MAGI3: variants seen among roughly 807,000 people sequenced by gnomAD.
MAGI3 encodes membrane-associated guanylate kinase, WW and PDZ domain-containing protein 3.
In MAGI3, 43 loss-of-function variants were observed where a neutral mutation model predicts 121.8. That is an observed-to-expected ratio of 0.35 (90% CI 0.28 to 0.46). The LOEUF is 0.46. Among genes scored for constraint, MAGI3 ranks in the 20% least tolerant of loss-of-function variants. MAGI3 has a pLI of 1.00. For synonymous variants in MAGI3, 553 were observed against 639.3 expected, an observed-to-expected ratio of 0.86 and a Z score of 2.04; for missense variants, 1,547 against 1,797.3, an observed-to-expected ratio of 0.86 and a Z score of 2.52.
intron 1 of MAGI3, among the ~76,000 whole-genome samples, chr1:113,532,102 C>A (rs1570810395): frequency 1.3e-5 from 2 of 152,012 alleles, no homozygotes; most frequent in Admixed American, 6.5e-5. Flanking sequence ...CCAATAAAAT[C>A]AGTTAAATTG....
chr1:113,490,496 G>T (rs191390004), intron 1 of MAGI3, among the ~76,000 whole-genome samples: 88 of 151,762 alleles, frequency 5.8e-4, no homozygotes, highest in Admixed American at 3.7e-3. Flanking sequence ...AATAACCAGG[G>T]TCTGTGACAG....
chr1:113,430,964 C>T (rs1167322630), intron 1 of MAGI3, among the ~76,000 whole-genome samples: 1 of 152,126 alleles, frequency 6.6e-6, no homozygotes, highest in Non-Finnish European at 1.5e-5. Flanking sequence ...TTTAAAAAGG[C>T]ATGACAACAA....
At chr1:113,635,581 T>C (rs930830422) in intron 9 of MAGI3, among the ~76,000 whole-genome samples, 1 of 152,056 alleles carries the variant, frequency 6.6e-6, no homozygotes. Flanking sequence ...GAAGCCCACT[T>C]GATCATGGTG....
At chr1:113,663,088 G>T (rs1653868747) in intron 16 of MAGI3, among the ~76,000 whole-genome samples, 1 of 152,106 alleles carries the variant, frequency 6.6e-6, no homozygotes, top group Admixed American at 6.5e-5. Context: ...AGCCAGGCGT[G>T]ATGGCATGTG....
rs114393527 is a variant in MAGI3 at position 113,485,557 on chromosome 1, A to T, written c.317-63958A>T. Among the ~76,000 whole-genome samples, 347 of 151,896 alleles carry T rather than the reference A, an allele frequency of 2.3e-3. 2 individuals carry two copies. Among genetic ancestry groups the T allele is most frequent in the African/African-American group, 8.0e-3 (333 of 41,400 alleles). The stretch of plus-strand genomic sequence containing the variant: ...TAATTTGTTTATTTGTAGATTCTGG[A>T]TATTAGTCCTTTACCAGATGTATAG... On this transcript the variant is annotated intron_variant, in intron 1 of 20. Coordinates refer to ENST00000307546, the MANE Select transcript of MAGI3 (RefSeq NM_001142782.2).
At chr1:113,542,961 T>C (rs1038754323) in intron 1 of MAGI3, among the ~76,000 whole-genome samples, 1 of 152,110 alleles carries the variant, frequency 6.6e-6, no homozygotes, top group Non-Finnish European at 1.5e-5. Context: ...TTCTTACCTA[T>C]AAAATGGGAA....
intron 16 of MAGI3, among the ~76,000 whole-genome samples, chr1:113,663,652 C>T (rs1653900200): frequency 6.6e-6 from 1 of 152,162 alleles, no homozygotes; most frequent in Non-Finnish European, 1.5e-5. Context: ...AATAATGCCA[C>T]TACAAATGCT....
At chr1:113,529,983 A>T (rs1432268381) in intron 1 of MAGI3, among the ~76,000 whole-genome samples, 2 of 152,152 alleles carry the variant, frequency 1.3e-5, no homozygotes, top group Non-Finnish European at 2.9e-5. Context: ...ATGCAGAGAA[A>T]ATGACTGTGT....
chr1:113,471,726 T>C (rs1655547002), intron 1 of MAGI3, among the ~76,000 whole-genome samples: 1 of 152,232 alleles, frequency 6.6e-6, no homozygotes, highest in African/African-American at 2.4e-5. Flanking sequence ...GTTTTTTTTA[T>C]ACCAGCATCA....
At chr1:113,453,112 C>T (rs1393296886) in intron 1 of MAGI3, among the ~76,000 whole-genome samples, 1 of 152,120 alleles carries the variant, frequency 6.6e-6, no homozygotes, top group Non-Finnish European at 1.5e-5. Flanking sequence ...TGAATGCCAC[C>T]TAGTGTTCTC....
Position 113,539,061 on chromosome 1 carries a change from GA to G in MAGI3, c.317-10449del, listed in dbSNP as rs541157056. ...AACATATTTTCACTGCAGAAAATTT[GA>G]AAAACAAAAGCTATGAAGAAAAATG... On this transcript the variant is annotated intron_variant, in intron 1 of 20. Coordinates refer to ENST00000307546, the MANE Select transcript of MAGI3 (RefSeq NM_001142782.2). Among the ~76,000 whole-genome samples the G allele has an allele frequency of 2.6e-3, 388 of 151,998 alleles. 1 individual carries two copies. The highest frequency in any genetic ancestry group is 4.3e-3 in the Non-Finnish European group (289 of 67,948).
At chr1:113,567,526 T>C (rs1245283810) in intron 2 of MAGI3, among the ~76,000 whole-genome samples, 3 of 152,062 alleles carry the variant, frequency 2.0e-5, no homozygotes, top group Admixed American at 2.0e-4. Context: ...AAGAAAATAC[T>C]AGCAAACCAA....
Position 113,392,241 on chromosome 1 carries a change from T to C in MAGI3, c.316+892T>C, listed in dbSNP as rs118131562. On this transcript the variant is annotated intron_variant, in intron 1 of 20. Coordinates refer to ENST00000307546, the MANE Select transcript of MAGI3 (RefSeq NM_001142782.2). ...CAGCATTGTTGGTTTTGTTTCAGCA[T>C]AGATAGAATGTGGTTCTGTCGTCTT... Among the ~76,000 whole-genome samples, 132 of 152,348 alleles carry C rather than the reference T, an allele frequency of 8.7e-4. 1 individual carries two copies. In the East Asian group the frequency reaches 0.024, roughly 28 times the overall value.
Position 113,574,850 on chromosome 1 carries a change from C to T in MAGI3, c.434-5692C>T, listed in dbSNP as rs185876327. The stretch of plus-strand genomic sequence containing the variant: ...GTCAATCATAGGTTTGGCCTTTTCA[C>T]ATAGTCTCATATTTCTTGGAAGCTT... On this transcript the variant is annotated intron_variant, in intron 2 of 20. Coordinates refer to ENST00000307546, the MANE Select transcript of MAGI3 (RefSeq NM_001142782.2). 3.7e-3 allele frequency among the ~76,000 whole-genome samples: 560 copies of T among 152,282 alleles called. 2 individuals are homozygous for T. Among genetic ancestry groups the T allele is most frequent in the African/African-American group, 0.013 (538 of 41,554 alleles).
chr1:113,536,162 A>ATT (rs1557809777), intron 1 of MAGI3, among the ~76,000 whole-genome samples: 18 of 145,682 alleles, frequency 1.2e-4, no homozygotes, highest in South Asian at 6.6e-4. Context: ...TTTTTTTTAA[A>ATT]AAAATTTGAT....
intron 6 of MAGI3, among the ~76,000 whole-genome samples, chr1:113,603,922 TAA>T (rs1332341448): frequency 1.3e-5 from 2 of 152,046 alleles, no homozygotes; most frequent in Non-Finnish European, 2.9e-5. Context: ...CAGGGATGCG[TAA>T]ATTAAAACCA....
At chr1:113,443,128 CTG>C (rs1363590411) in intron 1 of MAGI3, among the ~76,000 whole-genome samples, 1 of 152,064 alleles carries the variant, frequency 6.6e-6, no homozygotes, top group Admixed American at 6.6e-5. Context: ...ACGAATTATT[CTG>C]TTAGTAGGAA....
intron 1 of MAGI3, among the ~76,000 whole-genome samples, chr1:113,539,674 T>C (rs1659184840): frequency 6.6e-6 from 1 of 152,180 alleles, no homozygotes; most frequent in Admixed American, 6.5e-5. Context: ...GGTATTTGCA[T>C]ATATTCAGTT....
intron 6 of MAGI3, among the ~76,000 whole-genome samples, chr1:113,600,043 A>C (rs1649267308): frequency 6.6e-6 from 1 of 152,224 alleles, no homozygotes; most frequent in Non-Finnish European, 1.5e-5. Flanking sequence ...AAAAACTCTC[A>C]ATAAATTAGG....
Sources: allele counts gnomAD v4.1 joint callset (sites outside exome capture counted in the v4.1 genomes callset), GRCh38; gene constraint gnomAD v4.1.1; transcripts MANE v1.5; gene names NCBI Gene and HGNC (gene_info 2026-07-23, HGNC 2026-07-21).